NALF1: variants seen among roughly 807,000 people sequenced by gnomAD.
NALF1 encodes the protein NALCN channel auxiliary factor 1.
In NALF1, 3 loss-of-function variants were observed where a neutral mutation model predicts 48.4. The observed-to-expected ratio is 0.06, with a 90% confidence interval of 0.03 to 0.16. NALF1 has a LOEUF of 0.16. Ranked by LOEUF, NALF1 falls within the 10% of genes least tolerant of loss-of-function variation. The pLI, the probability that NALF1 is intolerant of heterozygous loss-of-function variation, is 1.00. For missense variants in NALF1, 526 were observed against 571.5 expected (o/e 0.92, Z 0.81); for synonymous variants, 262 against 245.7 (o/e 1.07, Z -0.62).
chr13:107,763,141 T>C (rs948678673), intron 1 of NALF1, among the ~76,000 whole-genome samples: 4 of 152,032 alleles, frequency 2.6e-5, no homozygotes, highest in African/African-American at 4.8e-5. Context: ...CCATTTTATA[T>C]AGTTTGTAAA....
chr13:107,314,004 T>C (rs72650526), intron 1 of NALF1, among the ~76,000 whole-genome samples: 6,941 of 152,246 alleles, frequency 0.046, 234 homozygotes, highest in East Asian at 0.19. Context: ...GATAAACATT[T>C]TAAACTGATG....
rs1243431923 is a variant in NALF1 at position 107,169,296 on chromosome 13, A to ATGT, written c.*1198_*1200dup. ...TATACCTGGAATAATTTTAAACCAT[A>ATGT]TGTTAGGGAAATACTGGAATAAAAT... On this transcript the variant is annotated 3_prime_UTR_variant, in exon 3 of 3. Coordinates refer to ENST00000375915, the MANE Select transcript of NALF1 (RefSeq NM_001080396.3). The ATGT allele has an allele frequency of 3.9e-5, 6 of 152,296 alleles. No homozygotes were observed. The highest frequency in any genetic ancestry group is 2.1e-4 in the South Asian group (1 of 4,830). 9.4% of individuals were successfully genotyped at this position (152,296 alleles called of 1,614,324 possible). A position where few individuals can be genotyped will look rare whatever the true frequency, so the allele number is the denominator to read the frequency against.
intron 1 of NALF1, chr13:107,466,617 T>C (rs1885008395): frequency 6.6e-6 from 1 of 152,202 alleles, no homozygotes; most frequent in Non-Finnish European, 1.5e-5. Flanking sequence ...TTCGTCCTTG[T>C]GGTCTACAGC....
At chr13:107,367,271 G>A (rs575948893) in intron 1 of NALF1, among the ~76,000 whole-genome samples, 1 of 152,272 alleles carries the variant, frequency 6.6e-6, no homozygotes, top group South Asian at 2.1e-4. Context: ...GGGTTGTAAA[G>A]CAAACCTCTT....
At chr13:107,440,847 A>G (rs1018741989) in intron 1 of NALF1, among the ~76,000 whole-genome samples, 2 of 152,120 alleles carry the variant, frequency 1.3e-5, no homozygotes, top group Admixed American at 6.6e-5. Flanking sequence ...TCCTTCAGAG[A>G]TGGCCTTAAT....
chr13:107,609,883 T>G (rs1879181003), intron 1 of NALF1, among the ~76,000 whole-genome samples: 2 of 152,140 alleles, frequency 1.3e-5, no homozygotes, highest in Admixed American at 1.3e-4. Context: ...CATATACATA[T>G]GTGTGTGTGT....
intron 1 of NALF1, among the ~76,000 whole-genome samples, chr13:107,741,685 A>G (rs562940675): frequency 9.8e-5 from 15 of 152,330 alleles, no homozygotes; most frequent in African/African-American, 3.6e-4. Flanking sequence ...CACACAACTC[A>G]GGAGCCAGGT....
At chr13:107,742,193 C>G (rs1472868857) in intron 1 of NALF1, among the ~76,000 whole-genome samples, 1 of 152,170 alleles carries the variant, frequency 6.6e-6, no homozygotes, top group East Asian at 1.9e-4. Flanking sequence ...TCGCCTTGTC[C>G]TTTGATGGAT....
chr13:107,416,059 T>G (rs1366358414), intron 1 of NALF1, among the ~76,000 whole-genome samples: 1 of 151,536 alleles, frequency 6.6e-6, no homozygotes, highest in Non-Finnish European at 1.5e-5. Flanking sequence ...CAGGCTGGAG[T>G]GTAGAGGTGC....
intron 1 of NALF1, among the ~76,000 whole-genome samples, chr13:107,633,589 T>C (rs995395479): frequency 2.0e-5 from 3 of 151,938 alleles, no homozygotes; most frequent in Non-Finnish European, 1.5e-5. Context: ...TCCTCATAAA[T>C]ACCACATTAA....
intron 1 of NALF1, among the ~76,000 whole-genome samples, chr13:107,293,043 C>G (rs375200890): frequency 7.2e-6 from 1 of 139,402 alleles, no homozygotes; most frequent in Non-Finnish European, 1.5e-5. Context: ...TGCAGTGGCA[C>G]GATCTCAGCT....
intron 1 of NALF1, among the ~76,000 whole-genome samples, chr13:107,420,232 T>C (rs1305124198): frequency 6.6e-6 from 1 of 152,166 alleles, no homozygotes; most frequent in Non-Finnish European, 1.5e-5. Context: ...ATTTTGCTAA[T>C]TTTGAAAGAC....
chr13:107,732,612 C>T (rs116000358), intron 1 of NALF1, among the ~76,000 whole-genome samples: 5,943 of 152,198 alleles, frequency 0.039, 172 homozygotes, highest in Middle Eastern at 0.082. Flanking sequence ...TCGTTATTCA[C>T]CCACATATCT....
intron 1 of NALF1, among the ~76,000 whole-genome samples, chr13:107,469,817 C>A (rs1196611030): frequency 2.8e-5 from 4 of 141,966 alleles, no homozygotes. Flanking sequence ...GATCTCAGCT[C>A]ACTGCAAGCT....
chr13:107,274,289 A>T (rs2138866775), intron 1 of NALF1, among the ~76,000 whole-genome samples: 1 of 152,254 alleles, frequency 6.6e-6, no homozygotes, highest in African/African-American at 2.4e-5. Context: ...ATCATCTTGC[A>T]AAGCAAGATG....
At chr13:107,379,863 C>CA (rs1299126871) in intron 1 of NALF1, among the ~76,000 whole-genome samples, 2 of 152,186 alleles carry the variant, frequency 1.3e-5, no homozygotes, top group Non-Finnish European at 2.9e-5. Flanking sequence ...GTGGGCAGAT[C>CA]ACATGGATTT....
chr13:107,684,150 C>T (rs113700856), intron 1 of NALF1, among the ~76,000 whole-genome samples: 1 of 152,200 alleles, frequency 6.6e-6, no homozygotes, highest in Non-Finnish European at 1.5e-5. Context: ...CACCTCTCAG[C>T]GCTCTGTTTT....
chr13:107,346,717 G>A (rs1882778756), intron 1 of NALF1, among the ~76,000 whole-genome samples: 1 of 152,092 alleles, frequency 6.6e-6, no homozygotes, highest in African/African-American at 2.4e-5. Context: ...TAATAATACT[G>A]TACTGTACTA....
intron 1 of NALF1, among the ~76,000 whole-genome samples, chr13:107,321,474 A>T (rs1263949971): frequency 6.6e-6 from 1 of 152,156 alleles, no homozygotes; most frequent in Non-Finnish European, 1.5e-5. Flanking sequence ...TAAGCTTAAC[A>T]AGTTTGTTCC....
Sources: gnomAD v4.1 joint callset for allele counts (sites outside exome capture counted in the v4.1 genomes callset) on GRCh38, gnomAD v4.1.1 for gene constraint, MANE v1.5 for transcripts, NCBI Gene and HGNC (gene_info 2026-07-23, HGNC 2026-07-21) for gene names.